Variants in CACNA1C observed in about 807,000 individuals in gnomAD.
CACNA1C encodes calcium voltage-gated channel subunit alpha1 C.
A neutral mutation model predicts 229.0 loss-of-function variants in CACNA1C; 30 were observed. The ratio of observed to expected loss-of-function variants is 0.13; its 90% CI spans 0.10 to 0.18. The LOEUF (loss-of-function observed/expected upper bound fraction) is 0.18. Among genes scored for constraint, CACNA1C ranks in the 10% least tolerant of loss-of-function variants. CACNA1C has a pLI of 1.00. For missense variants in CACNA1C, 1,658 were observed against 2,845.0 expected (o/e 0.58, Z 9.49); for synonymous variants, 1,114 against 1,132.5 (o/e 0.98, Z 0.33).
chr12:2,605,607 C>T lies in CACNA1C; in HGVS notation c.3049-72C>T, dbSNP rs1460715115. Reference sequence around the variant, plus strand: ...TCCCCGTTGTGGCAAACGGGCTGCCCCTGCTACCTCCTGGAAAGGCTCCTG... The same window carrying T: ...TCCCCGTTGTGGCAAACGGGCTGCCTCTGCTACCTCCTGGAAAGGCTCCTG... On this transcript the variant is annotated intron_variant, in intron 23 of 46. Transcript: ENST00000399655. The surrounding 1 kb of genome is among the most constrained non-coding windows in gnomAD (Gnocchi z 6.2). 1 of 1,122,562 alleles carries T rather than the reference C, an allele frequency of 8.9e-7. No individual in the cohort carries two copies. Among genetic ancestry groups the T allele is most frequent in the South Asian group, 1.3e-5 (1 of 79,730 alleles). The allele number at this position is 1,122,562 out of a possible 1,614,324, so 69.5% of individuals were successfully genotyped here. A position where few individuals can be genotyped will look rare whatever the true frequency, so the allele number is the denominator to read the frequency against.
At chr12:2,641,397 A>G (rs1196887147) in intron 30 of CACNA1C, 13 of 277,630 alleles carry the variant, frequency 4.7e-5, no homozygotes. Flanking sequence ...CATTGTCTAG[A>G]TGACATTGGT....
intron 3 of CACNA1C, among the ~76,000 whole-genome samples, chr12:2,433,557 C>A (rs1218371286): frequency 1.3e-5 from 2 of 152,244 alleles, no homozygotes; most frequent in African/African-American, 4.8e-5. Context: ...TTGCTTTCTT[C>A]TCACTCATGA....
At position 2,486,188 on chromosome 12, in the gene CACNA1C, T is replaced by C; in HGVS notation, c.842T>C (p.Ile281Thr). The C allele has an allele frequency of 6.2e-7, 1 of 1,613,856 alleles. No individual in the cohort carries two copies. Among genetic ancestry groups the C allele is most frequent in the Non-Finnish European group, 8.5e-7 (1 of 1,179,826 alleles). The change falls in exon 6 of 47, where the codon ATC (isoleucine) becomes ACC (threonine). Residue 281 changes from isoleucine (I) to threonine (T), a missense_variant. By Grantham distance (89) the Ile-to-Thr change is moderately conservative. Transcript: ENST00000399655. This position sits in a 1 kb window ranked among gnomAD's most constrained non-coding sequence, Gnocchi z 4.9. ...CTGCTTGTGCTGTTTGTCATCATCATCTACGCCATCATCGGCTTGGAGCTC... is the reference window on the plus strand; with the variant it reads ...CTGCTTGTGCTGTTTGTCATCATCACCTACGCCATCATCGGCTTGGAGCTC... ...IALLVLFVII[I>T]YAIIGLELFM...
At chr12:2,146,193 A>G (rs1251326335) in intron 3 of CACNA1C, among the ~76,000 whole-genome samples, 5 of 150,936 alleles carry the variant, frequency 3.3e-5, no homozygotes, top group Non-Finnish European at 7.4e-5. Context: ...CCCTCGAGGA[A>G]TTTATGATCA....
intron 1 of CACNA1C, chr12:2,010,867 G>A (rs890607159): frequency 2.0e-5 from 3 of 152,168 alleles, no homozygotes; most frequent in Non-Finnish European, 2.9e-5. Context: ...AGGAAGTAGA[G>A]GTCGGGCACG....
Position 2,054,101 on chromosome 12 carries a change from T to A in CACNA1C, c.49+490T>A, listed in dbSNP as rs2053539151. Reference sequence around the variant, plus strand: ...GCCCACGGCCGCCCCTGGGGCGCCCTCGCGCTGCCCGGCGTCCACTCTCGT... The same window carrying A: ...GCCCACGGCCGCCCCTGGGGCGCCCACGCGCTGCCCGGCGTCCACTCTCGT... On this transcript the variant is annotated intron_variant, in intron 1 of 46. Coordinates refer to ENST00000399655, the MANE Select transcript of CACNA1C (RefSeq NM_000719.7). The surrounding 1 kb of genome is among the most constrained non-coding windows in gnomAD (Gnocchi z 5.5). Among the ~76,000 whole-genome samples the A allele has an allele frequency of 6.7e-6, 1 of 149,498 alleles. No homozygotes were observed. Among genetic ancestry groups the A allele is most frequent in the Admixed American group, 6.6e-5 (1 of 15,046 alleles).
chr12:2,577,001 CCTT>C (rs949602840), intron 13 of CACNA1C, among the ~76,000 whole-genome samples: 5 of 152,194 alleles, frequency 3.3e-5, no homozygotes, highest in Admixed American at 3.3e-4. Flanking sequence ...GGAATGGAAG[CCTT>C]CTGCTCAGCA....
chr12:2,375,369 C>T (rs929778702), intron 3 of CACNA1C, among the ~76,000 whole-genome samples: 1 of 152,162 alleles, frequency 6.6e-6, no homozygotes, highest in Non-Finnish European at 1.5e-5. Flanking sequence ...TGTCGTGGCT[C>T]AGCAGAACAG....
Position 2,566,690 on chromosome 12 carries a change from G to A in CACNA1C, c.1669+108G>A. On this transcript the variant is annotated intron_variant, in intron 12 of 46. Coordinates refer to ENST00000399655, the MANE Select transcript of CACNA1C (RefSeq NM_000719.7). This position sits in a 1 kb window ranked among gnomAD's most constrained non-coding sequence, Gnocchi z 4.0. ...AAGGTGGAGGGGAAAGCAGCCAATG[G>A]TCGGGGCTCTTGGCAGGTGCTGTGC... is the stretch of plus-strand genomic sequence containing the variant. 2 of 953,394 alleles carry A rather than the reference G, an allele frequency of 2.1e-6. No homozygotes were observed. 59.1% of individuals were successfully genotyped at this position (953,394 alleles called of 1,614,324 possible).
Position 2,152,612 on chromosome 12 carries a change from A to G in CACNA1C, c.477+32182A>G, listed in dbSNP as rs557199518. Among the ~76,000 whole-genome samples, 1 of 152,320 alleles carries G rather than the reference A, an allele frequency of 6.6e-6. No homozygotes were observed. Among genetic ancestry groups the G allele is most frequent in the African/African-American group, 2.4e-5 (1 of 41,574 alleles). On this transcript the variant is annotated intron_variant, in intron 3 of 46. Coordinates refer to ENST00000399655, the MANE Select transcript of CACNA1C (RefSeq NM_000719.7). The surrounding 1 kb of genome is among the most constrained non-coding windows in gnomAD (Gnocchi z 4.2). The stretch of plus-strand genomic sequence containing the variant: ...ATCCCTGTTGTTTTGGTCTCTGTCA[A>G]CCATGGTTCAATTCATAACTTAAGT...
chr12:2,346,346 A>G lies in CACNA1C; in HGVS notation c.478-102630A>G, dbSNP rs1402860874. On this transcript the variant is annotated intron_variant, in intron 3 of 46. Transcript: ENST00000399655. This position sits in a 1 kb window ranked among gnomAD's most constrained non-coding sequence, Gnocchi z 4.4. ...GTCTTTGTAATGTGTGTGTGTGCCTATGTATGTCTCTGTGTTTGTGTGTTT... is the reference window on the plus strand; with the variant it reads ...GTCTTTGTAATGTGTGTGTGTGCCTGTGTATGTCTCTGTGTTTGTGTGTTT... Among the ~76,000 whole-genome samples the G allele has an allele frequency of 6.6e-6, 1 of 151,678 alleles. No homozygotes were observed. The highest frequency in any genetic ancestry group is 1.9e-4 in the East Asian group (1 of 5,168).
chr12:2,641,988 G>C (rs1277777233), intron 30 of CACNA1C, among the ~76,000 whole-genome samples: 1 of 152,068 alleles, frequency 6.6e-6, no homozygotes, highest in African/African-American at 2.4e-5. Context: ...GAGGCTTGTT[G>C]TGTGAACTGG....
chr12:2,065,785 A>G (rs2059063171), intron 1 of CACNA1C, among the ~76,000 whole-genome samples: 1 of 152,224 alleles, frequency 6.6e-6, no homozygotes, highest in Non-Finnish European at 1.5e-5. Flanking sequence ...AGAGGCGCAC[A>G]TTCCCAACAG....
At chr12:2,119,550 C>T (rs971711305) in intron 2 of CACNA1C, among the ~76,000 whole-genome samples, 1 of 152,240 alleles carries the variant, frequency 6.6e-6, no homozygotes, top group Non-Finnish European at 1.5e-5. Flanking sequence ...CCTCTGCCTG[C>T]ACTACTACTG....
At chr12:2,163,950 T>C (rs554872787) in intron 3 of CACNA1C, among the ~76,000 whole-genome samples, 2 of 152,252 alleles carry the variant, frequency 1.3e-5, no homozygotes, top group East Asian at 3.9e-4. Context: ...ATACCAAAAG[T>C]GACGTCTCTT....
At position 2,597,604 on chromosome 12, in the gene CACNA1C, C is replaced by G. The variant is rs750236801; in HGVS notation, c.2853+315C>G. 1.2e-6 allele frequency: 1 copy of G among 817,200 alleles called. No homozygotes were observed. The allele number at this position is 817,200 out of a possible 1,614,324, so 50.6% of individuals were successfully genotyped here. ...TTTCTTTCACTCTCTCTTTTCTTTA[C>G]TCCCAAGCCTGAAATTGGAAAAATG... On this transcript the variant is annotated intron_variant, in intron 21 of 46. Transcript: ENST00000399655. The surrounding 1 kb of genome is among the most constrained non-coding windows in gnomAD (Gnocchi z 4.3).
At chr12:2,227,545 G>A (rs370300910) in intron 3 of CACNA1C, among the ~76,000 whole-genome samples, 2 of 152,136 alleles carry the variant, frequency 1.3e-5, no homozygotes, top group Non-Finnish European at 2.9e-5. Flanking sequence ...TGTCAGTTCC[G>A]TTTTTCTGTT....
intron 3 of CACNA1C, among the ~76,000 whole-genome samples, chr12:2,387,705 A>G (rs775669382): frequency 1.3e-5 from 2 of 152,208 alleles, no homozygotes; most frequent in African/African-American, 4.8e-5. Context: ...AGGAAGGTGG[A>G]AAGCTGTTCC....
At chr12:2,642,743 C>A (rs1340949236) in intron 30 of CACNA1C, among the ~76,000 whole-genome samples, 1 of 152,186 alleles carries the variant, frequency 6.6e-6, no homozygotes, top group Non-Finnish European at 1.5e-5. Context: ...ACTACTGGCA[C>A]CTTGATTTCA....
Sources: allele counts gnomAD v4.1 joint callset (sites outside exome capture counted in the v4.1 genomes callset), GRCh38; gene constraint gnomAD v4.1.1; non-coding constraint Gnocchi (gnomAD v3.1); transcripts MANE v1.5; gene names NCBI Gene and HGNC (gene_info 2026-07-23, HGNC 2026-07-21).